Variants in GAS7 observed in about 807,000 individuals in gnomAD.
GAS7 encodes the protein growth arrest specific 7, also known as growth arrest-specific protein 7.
Under a neutral mutation model 71.1 loss-of-function variants are expected in GAS7, and 28 were observed. The observed-to-expected ratio is 0.39, with a 90% confidence interval of 0.29 to 0.54. The LOEUF (loss-of-function observed/expected upper bound fraction) is 0.54, where lower values mean the gene tolerates loss of function less well. GAS7 is among the 20% of genes least tolerant of loss of function. The pLI is 0.62. For synonymous variants in GAS7, 258 were observed against 245.8 expected (o/e 1.05, Z -0.46); for missense variants, 436 against 627.8 (o/e 0.69, Z 3.27).
At chr17:10,012,229 A>G (rs2071802480) in intron 2 of GAS7, among the ~76,000 whole-genome samples, 1 of 152,216 alleles carries the variant, frequency 6.6e-6, no homozygotes, top group African/African-American at 2.4e-5. Context: ...AGAGGGCCTG[A>G]ATACCTATGA....
At chr17:10,136,207 C>T (rs961620211) in intron 1 of GAS7, among the ~76,000 whole-genome samples, 1 of 152,214 alleles carries the variant, frequency 6.6e-6, no homozygotes, top group African/African-American at 2.4e-5. Context: ...CTGAACAAGC[C>T]TCCCCAGATC....
At chr17:10,196,549 G>A (rs1454539221) in intron 1 of GAS7, among the ~76,000 whole-genome samples, 4 of 152,050 alleles carry the variant, frequency 2.6e-5, no homozygotes, top group African/African-American at 7.2e-5. Context: ...TGTTAATTCC[G>A]CTTGTCCCCT....
chr17:9,927,591 A>G (rs950273610), intron 9 of GAS7, among the ~76,000 whole-genome samples: 1 of 151,938 alleles, frequency 6.6e-6, no homozygotes, highest in Non-Finnish European at 1.5e-5. Flanking sequence ...TCTCTCCCTT[A>G]TTTTCCGAAC....
intron 3 of GAS7, among the ~76,000 whole-genome samples, chr17:9,980,792 G>A (rs1489330174): frequency 1.3e-5 from 2 of 152,220 alleles, no homozygotes; most frequent in African/African-American, 2.4e-5. Flanking sequence ...CATTAAAATA[G>A]CATGCGGCTG....
intron 2 of GAS7, among the ~76,000 whole-genome samples, chr17:10,005,071 A>C (rs2071425646): frequency 7.3e-6 from 1 of 137,296 alleles, no homozygotes; most frequent in African/African-American, 3.2e-5. Flanking sequence ...GTGTGTATGC[A>C]CGCATACATG....
At chr17:10,167,044 CTTTTTTTTT>C (rs1164151104) in intron 1 of GAS7, among the ~76,000 whole-genome samples, 29 of 58,816 alleles carry the variant, frequency 4.9e-4, no homozygotes, top group African/African-American at 8.1e-4. Context: ...TTCCATTTGT[CTTTTTTTTT>C]TTTTTTTTTT....
chr17:10,084,344 G>A (rs2073492038), intron 1 of GAS7, among the ~76,000 whole-genome samples: 1 of 152,154 alleles, frequency 6.6e-6, no homozygotes, highest in South Asian at 2.1e-4. Context: ...CCTATTAGAA[G>A]TCAAAGGGTC....
At chr17:9,970,652 C>CAA (rs147400385) in intron 3 of GAS7, among the ~76,000 whole-genome samples, 2 of 151,544 alleles carry the variant, frequency 1.3e-5, no homozygotes, top group African/African-American at 2.4e-5. Context: ...CAAAACAAAA[C>CAA]AAAAAAAACA....
chr17:10,036,480 G>A (rs748676685), intron 1 of GAS7: 8 of 1,613,578 alleles, frequency 5.0e-6, no homozygotes, highest in African/African-American at 2.7e-5. Flanking sequence ...CCTCAGAGGA[G>A]AGTCTTGGGT....
Position 9,913,041 on chromosome 17 carries a change from G to C in GAS7, c.*4187C>G, listed in dbSNP as rs1418104033. On this transcript the variant is annotated 3_prime_UTR_variant, in exon 14 of 14. Transcript: ENST00000432992. ...CAGATAATCAATCAGGGTTGCCAGG[G>C]AAAGAGGGCAGGAGAAGGGAATTTT... 3 of 232,610 alleles carry C rather than the reference G, an allele frequency of 1.3e-5. No homozygotes were observed. Among genetic ancestry groups the C allele is most frequent in the Non-Finnish European group, 2.5e-5 (3 of 117,740 alleles). The allele number at this position is 232,610 out of a possible 1,614,324, so 14.4% of individuals were successfully genotyped here. A position where few individuals can be genotyped will look rare whatever the true frequency, so the allele number is the denominator to read the frequency against.
At chr17:10,151,859 T>C (rs1024367) in intron 1 of GAS7, among the ~76,000 whole-genome samples, 51,595 of 152,122 alleles carry the variant, frequency 0.34, 8,915 homozygotes, top group Admixed American at 0.4. Context: ...AATAAAGTTT[T>C]CCAGTTTTGA....
rs1555534117 is a variant in GAS7 at position 10,112,765 on chromosome 17, G to GAAAGAAAGAAAAAA, written c.183+85442_183+85443insTTTTTTCTTTCTTT. On this transcript the variant is annotated intron_variant, in intron 1 of 13. Transcript: ENST00000432992. ...AAAAACAAACAAAGAAAAGAAAAAAGAAAGAAAGAAAGAGAGAAAGAGAAA... is the reference window on the plus strand; with the variant it reads ...AAAAACAAACAAAGAAAAGAAAAAAGAAAGAAAGAAAAAAAAAGAAAGAAAGAGAGAAAGAGAAA... 7.9e-5 allele frequency among the ~76,000 whole-genome samples: 9 copies of GAAAGAAAGAAAAAA among 113,996 alleles called. No homozygotes were observed. In the Admixed American group the frequency reaches 8.6e-4, roughly 11 times the overall value. The allele number at this position is 113,996 out of a possible 152,430, so 74.8% of individuals were successfully genotyped here.
At chr17:10,173,897 G>A (rs145644873) in intron 1 of GAS7, among the ~76,000 whole-genome samples, 26 of 152,358 alleles carry the variant, frequency 1.7e-4, no homozygotes, top group African/African-American at 5.5e-4. Flanking sequence ...AGCCTGGAAA[G>A]GGAACAGAGC....
At chr17:10,078,451 C>A (rs1175981225) in intron 1 of GAS7, among the ~76,000 whole-genome samples, 6 of 152,110 alleles carry the variant, frequency 3.9e-5, no homozygotes, top group Admixed American at 3.9e-4. Context: ...ACAGAGAAAA[C>A]CAAGTAAATA....
rs1009982870 is a variant in GAS7, at chr17:10,005,178, T to C, written c.304+14599A>G. On this transcript the variant is annotated intron_variant, in intron 2 of 13. Transcript: ENST00000432992. ...GCATGTGTGTGCGCACGCATGCATG[T>C]ATGTGTATGTGCACGCATGCATGTG... Among the ~76,000 whole-genome samples, 834 of 93,546 alleles carry C rather than the reference T, an allele frequency of 8.9e-3. 6 individuals carry two copies. The highest frequency in any genetic ancestry group is 0.039 in the African/African-American group (449 of 11,408). 61.4% of individuals were successfully genotyped at this position (93,546 alleles called of 152,430 possible).
intron 1 of GAS7, among the ~76,000 whole-genome samples, chr17:10,145,390 G>A (rs556084629): frequency 6.6e-6 from 1 of 152,340 alleles, no homozygotes; most frequent in South Asian, 2.1e-4. Flanking sequence ...GTGACTGGAG[G>A]AAGCTCAGGC....
At chr17:10,014,891 A>T (rs2071929815) in intron 2 of GAS7, among the ~76,000 whole-genome samples, 1 of 152,140 alleles carries the variant, frequency 6.6e-6, no homozygotes, top group Non-Finnish European at 1.5e-5. Context: ...GCGGTGACTC[A>T]CGCCTGTAAT....
At chr17:10,036,804 C>T (rs988267760) in intron 1 of GAS7, 5 of 1,056,930 alleles carry the variant, frequency 4.7e-6, no homozygotes, top group Non-Finnish European at 5.9e-6. Flanking sequence ...AGCTAAAAAA[C>T]GTTGGCTGAG....
At chr17:10,173,051 A>G (rs757290094) in intron 1 of GAS7, among the ~76,000 whole-genome samples, 5 of 152,254 alleles carry the variant, frequency 3.3e-5, no homozygotes, top group Non-Finnish European at 7.3e-5. Flanking sequence ...CCCTGAAGAC[A>G]TCATGTCAAC....
Sources: allele counts gnomAD v4.1 joint callset (sites outside exome capture counted in the v4.1 genomes callset), GRCh38; gene constraint gnomAD v4.1.1; transcripts MANE v1.5; gene names NCBI Gene and HGNC (gene_info 2026-07-23, HGNC 2026-07-21).